The following ARL10 variants were observed in gnomAD, a reference collection of about 807,000 sequenced individuals.
ARL10 encodes ARF like GTPase 10.
A neutral mutation model predicts 26.1 loss-of-function variants in ARL10; 23 were observed. That is an observed-to-expected ratio of 0.88 (90% CI 0.63 to 1.25). The LOEUF (loss-of-function observed/expected upper bound fraction) is 1.25, where lower values mean the gene tolerates loss of function less well. Among genes scored for constraint, ARL10 ranks in the 50% most tolerant of loss-of-function variants. The pLI is 0.00. For synonymous variants in ARL10, 138 were observed against 149.1 expected (o/e 0.93, Z 0.54); for missense variants, 300 against 323.6 (o/e 0.93, Z 0.56).
intron 3 of ARL10, among the ~76,000 whole-genome samples, chr5:176,370,081 A>C (rs1176790247): frequency 6.6e-6 from 1 of 152,094 alleles, no homozygotes; most frequent in Non-Finnish European, 1.5e-5. Context: ...AACTGATGAG[A>C]GGTAGAACAG....
downstream of ARL10, chr5:176,385,411 A>C (rs1581406160): frequency 2.8e-5 from 22 of 796,134 alleles, no homozygotes; most frequent in East Asian, 1.0e-4. Flanking sequence ...CCCTTCACCC[A>C]CTCCCAAGCC....
Position 176,378,369 on chromosome 5 carries a change from GTTAT to G in ARL10, c.*6481_*6484del. ...ATGGGCTTCAATCTTATAAGAATTT[GTTAT>G]TTATTTTTCACCTTTACTCAAGATA... On this transcript the variant is annotated 3_prime_UTR_variant, in exon 4 of 4. Transcript: ENST00000310389. 1 of 152,206 alleles carries G rather than the reference GTTAT, an allele frequency of 6.6e-6. No individual in the cohort carries two copies. The highest frequency in any genetic ancestry group is 1.5e-5 in the Non-Finnish European group (1 of 68,040). The allele number at this position is 152,206 out of a possible 1,614,324, so 9.4% of individuals were successfully genotyped here.
chr5:176,409,827 A>C, the ARL10 span, among the ~76,000 whole-genome samples: 1 of 152,210 alleles, frequency 6.6e-6, no homozygotes, highest in Non-Finnish European at 1.5e-5. Flanking sequence ...CCCTGCAAAG[A>C]ATCTGGGTGG....
rs1332080497 is a variant in ARL10 at position 176,374,332 on chromosome 5, G to C, written c.*2437G>C. 2.0e-5 allele frequency: 3 copies of C among 152,158 alleles called. No individual in the cohort carries two copies. The highest frequency in any genetic ancestry group is 4.4e-5 in the Non-Finnish European group (3 of 68,038). 9.4% of individuals were successfully genotyped at this position (152,158 alleles called of 1,614,324 possible). The stretch of plus-strand genomic sequence containing the variant: ...CTGACACTACCTTCTGTCACTATTT[G>C]ACCTCATTATGGAACTCACAGTTTA... On this transcript the variant is annotated 3_prime_UTR_variant, in exon 4 of 4. Transcript: ENST00000310389.
the ARL10 span, among the ~76,000 whole-genome samples, chr5:176,413,523 A>C: frequency 6.6e-6 from 1 of 152,108 alleles, no homozygotes; most frequent in African/African-American, 2.4e-5. Flanking sequence ...TACACCAGAT[A>C]CCTCTTTCCC....
At chr5:176,405,065 G>A (rs1047368983), downstream of ARL10, among the ~76,000 whole-genome samples, 6 of 152,208 alleles carry the variant, frequency 3.9e-5, no homozygotes, top group Admixed American at 6.5e-5. Flanking sequence ...GATCAAGCAC[G>A]TAAAGCCCTT....
In ARL10 at chr5:176,378,283, C is replaced by T. The variant is rs1755449668; in HGVS notation, c.*6388C>T. ...CACATCCTAACTGTTTCAGCACTAT[C>T]TGATTTAGCATGAAAATCTGCCAGG... On this transcript the variant is annotated 3_prime_UTR_variant, in exon 4 of 4. Transcript: ENST00000310389. The T allele has an allele frequency of 6.6e-6, 1 of 152,248 alleles. No individual in the cohort carries two copies. Among genetic ancestry groups the T allele is most frequent in the Admixed American group, 6.5e-5 (1 of 15,290 alleles). 9.4% of individuals were successfully genotyped at this position (152,248 alleles called of 1,614,324 possible).
chr5:176,392,725 C>G, downstream of ARL10: 1 of 1,600,344 alleles, frequency 6.2e-7, no homozygotes, highest in Non-Finnish European at 8.5e-7. This position sits in a 1 kb window ranked among gnomAD's most constrained non-coding sequence, Gnocchi z 5.2. Flanking sequence ...GCTGCTCCTC[C>G]TGTGCCCAGG....
intron 3 of ARL10, among the ~76,000 whole-genome samples, chr5:176,369,768 C>A (rs1768475413): frequency 6.6e-6 from 1 of 151,808 alleles, no homozygotes; most frequent in African/African-American, 2.4e-5. Flanking sequence ...CCAGCCTGGG[C>A]AACATGGTGA....
At chr5:176,384,522 C>T, downstream of ARL10, 2 of 754,988 alleles carry the variant, frequency 2.6e-6, no homozygotes, top group Non-Finnish European at 4.3e-6. Flanking sequence ...CACAGTGGCT[C>T]ATGCCTGTAA....
At position 176,379,903 on chromosome 5, in the gene ARL10, G is replaced by C. The variant is rs1444231895; in HGVS notation, c.*8008G>C. 1 of 152,078 alleles carries C rather than the reference G, an allele frequency of 6.6e-6. No individual in the cohort carries two copies. The highest frequency in any genetic ancestry group is 1.5e-5 in the Non-Finnish European group (1 of 68,022). 9.4% of individuals were successfully genotyped at this position (152,078 alleles called of 1,614,324 possible). On this transcript the variant is annotated 3_prime_UTR_variant, in exon 4 of 4. Coordinates refer to ENST00000310389, the MANE Select transcript of ARL10 (RefSeq NM_173664.6). ...TTCACCAGTATCATGTGAATAAATT[G>C]GTAAAGATTAGAGAGTCCTGAATCA...
At chr5:176,396,649 A>G in intron 1 of ARL10, 1 of 770,182 alleles carries the variant, frequency 1.3e-6, no homozygotes, top group South Asian at 1.5e-5. Context: ...CAGTGGGAGA[A>G]ATGTTAGGAA....
At chr5:176,391,391 A>G (rs903327721), downstream of ARL10, among the ~76,000 whole-genome samples, 4 of 152,156 alleles carry the variant, frequency 2.6e-5, no homozygotes, top group African/African-American at 9.7e-5. Context: ...AAGTGGATAA[A>G]TTGCTTGAGC....
At position 176,366,442 on chromosome 5, in the gene ARL10, G is replaced by A. The variant is rs1300937637; in HGVS notation, c.246G>A (p.Val82=). 6.2e-7 allele frequency: 1 copy of A among 1,613,524 alleles called. No homozygotes were observed. Among genetic ancestry groups the A allele is most frequent in the Non-Finnish European group, 8.5e-7 (1 of 1,179,958 alleles). ...AGCTGGAACAGCGCGAGGTGCTGGTGCTGGGGCTGGATGGCGCAGGCAAGA... is the reference window on the plus strand; with the variant it reads ...AGCTGGAACAGCGCGAGGTGCTGGTACTGGGGCTGGATGGCGCAGGCAAGA... ...LEELEQREVL[V]LGLDGAGKST... is the part of the protein sequence containing the mutation. The change falls in exon 2 of 4, where the codon GTG becomes GTA. Residue 82 remains valine (V), a synonymous_variant. Transcript: ENST00000310389.
At chr5:176,389,098 G>A, downstream of ARL10, 1 of 1,252,254 alleles carries the variant, frequency 8.0e-7, no homozygotes, top group Non-Finnish European at 1.1e-6. Context: ...ACGAGGGGGC[G>A]GGGCGGTGAG....
chr5:176,384,706 G>A, downstream of ARL10: 1 of 394,042 alleles, frequency 2.5e-6, no homozygotes, highest in Non-Finnish European at 4.6e-6. Flanking sequence ...GGAGGATGAG[G>A]CTGCGGTGAG....
chr5:176,401,580 C>T (rs1756818767), intron 1 of ARL10, among the ~76,000 whole-genome samples: 1 of 152,204 alleles, frequency 6.6e-6, no homozygotes, highest in South Asian at 2.1e-4. Flanking sequence ...TATCTGAGCA[C>T]TGTCTTTAGG....
chr5:176,406,269 G>A, downstream of ARL10: 2 of 1,042,540 alleles, frequency 1.9e-6, no homozygotes, highest in Non-Finnish European at 2.3e-6. Context: ...GAGAGAAAGG[G>A]GCAGGAATGG....
downstream of ARL10, among the ~76,000 whole-genome samples, chr5:176,405,199 C>T (rs564055388): frequency 6.6e-5 from 10 of 152,204 alleles, no homozygotes; most frequent in South Asian, 8.3e-4. Flanking sequence ...CTATTAGAAG[C>T]GAGTTTGGGA....
Sources: gnomAD v4.1 joint callset for allele counts (sites outside exome capture counted in the v4.1 genomes callset) on GRCh38, gnomAD v4.1.1 for gene constraint, Gnocchi (gnomAD v3.1) non-coding constraint, MANE v1.5 for transcripts, NCBI Gene and HGNC (gene_info 2026-07-23, HGNC 2026-07-21) for gene names.